The following ZBTB14 variants were observed in gnomAD, a reference collection of about 807,000 sequenced individuals.
ZBTB14 encodes the protein zinc finger and BTB domain containing 14, also known as zinc finger and BTB domain-containing protein 14.
ZBTB14 carries 8 observed loss-of-function variants against 29.5 expected under a neutral mutation model. The observed-to-expected ratio is 0.27, with a 90% CI of 0.16 to 0.49. ZBTB14 has a LOEUF of 0.49. ZBTB14 is among the 20% of genes least tolerant of loss of function. The pLI, the probability that ZBTB14 is intolerant of heterozygous loss-of-function variation, is 0.99. For synonymous variants in ZBTB14, 226 were observed against 207.2 expected, an observed-to-expected ratio of 1.09 and a Z score of -0.78; for missense variants, 333 against 563.8, an observed-to-expected ratio of 0.59 and a Z score of 4.15.
At position 5,291,750 on chromosome 18, in the gene ZBTB14, C is replaced by G. The variant is rs764915518; in HGVS notation, c.458G>C (p.Gly153Ala). 2.6e-5 allele frequency: 42 copies of G among 1,614,094 alleles called. No individual in the cohort carries two copies. In the South Asian group the frequency reaches 4.6e-4, roughly 18 times the overall value. ...ATCATCCTGGGTGTCAGCAGCATCT[C>G]CAATGGGGCGATTTATTTTAAGGCA... ...KYCLKINRPIGDAADTQDDDV... is the reference protein window; with the variant it reads ...KYCLKINRPIADAADTQDDDV... The change falls in exon 4 of 4, where the codon GGA becomes GCA. Residue 153 changes from glycine (G) to alanine (A), a missense_variant. By Grantham distance (60) the Gly-to-Ala change is moderately conservative. Coordinates refer to ENST00000651870, the MANE Select transcript of ZBTB14 (RefSeq NM_001243702.2). This position sits in a 1 kb window ranked among gnomAD's most constrained non-coding sequence, Gnocchi z 5.8.
chr18:5,293,323 C>T lies in ZBTB14; in HGVS notation c.-77G>A. The T allele has an allele frequency of 6.9e-7, 1 of 1,455,710 alleles. No homozygotes were observed. Among genetic ancestry groups the T allele is most frequent in the East Asian group, 2.3e-5 (1 of 43,714 alleles). 90.2% of individuals were successfully genotyped at this position (1,455,710 alleles called of 1,614,324 possible). On this transcript the variant is annotated 5_prime_UTR_variant, in exon 3 of 4. An upstream open reading frame in the 5' UTR gains an earlier in-frame stop. Transcript: ENST00000651870. ...AGAGTAACTCTGATCAGGAGCACGCCAGACCTACAGAGGAAAGGATAAACA... is the reference window on the plus strand; with the variant it reads ...AGAGTAACTCTGATCAGGAGCACGCTAGACCTACAGAGGAAAGGATAAACA...
intron 1 of ZBTB14, 105 bp from the exon 2 acceptor site, chr18:5,294,106 T>C (rs961676430): frequency 6.6e-6 from 1 of 152,218 alleles, no homozygotes; most frequent in African/African-American, 2.4e-5. Context: ...ACAAAAACCA[T>C]GGAACAAGAC....
At position 5,289,917 on chromosome 18, in the gene ZBTB14, A is replaced by T. The variant is rs2071773724; in HGVS notation, c.*941T>A. 1 of 152,340 alleles carries T rather than the reference A, an allele frequency of 6.6e-6. No homozygotes were observed. The highest frequency in any genetic ancestry group is 1.5e-5 in the Non-Finnish European group (1 of 68,040). The allele number at this position is 152,340 out of a possible 1,614,324, so 9.4% of individuals were successfully genotyped here. ...GCCCCAAAGCTTGATGACATTCTGT[A>T]AAGTTACACAAATGTATCTGAAGAA... On this transcript the variant is annotated 3_prime_UTR_variant, in exon 4 of 4. Transcript: ENST00000651870.
At position 5,291,270 on chromosome 18, in the gene ZBTB14, C is replaced by G; in HGVS notation, c.938G>C (p.Gly313Ala). Residue 313 changes from glycine (G) to alanine (A), a missense_variant, in exon 4 of 4, where the codon GGT becomes GCT. Physicochemically the swap from Gly to Ala is moderately conservative, Grantham distance 60 (BLOSUM62 0). This residue lies in a region of ZBTB14 where 140 missense variants were observed against 274.6 expected (regional missense o/e 0.51). Transcript: ENST00000651870. The surrounding 1 kb of genome is among the most constrained non-coding windows in gnomAD (Gnocchi z 5.8). ...TTTCAGGTGGGCCTGTGTGGTGAAA[C>G]CTTTTGTGCACATTTCACAAACAAA... ...RPFVCEMCTK[G>A]FTTQAHLKEH... The G allele has an allele frequency of 6.2e-7, 1 of 1,614,236 alleles. No homozygotes were observed. Among genetic ancestry groups the G allele is most frequent in the Non-Finnish European group, 8.5e-7 (1 of 1,180,044 alleles).
chr18:5,295,277 T>A (rs1051190162), intron 1 of ZBTB14, among the ~76,000 whole-genome samples: 1 of 143,456 alleles, frequency 7.0e-6, no homozygotes, highest in Non-Finnish European at 1.5e-5. Context: ...TCCCCCGCCC[T>A]CCCGCGGCCG....
At position 5,292,082 on chromosome 18, in the gene ZBTB14, A is replaced by C. The variant is rs1215531188; in HGVS notation, c.126T>G (p.Val42=). 2 of 1,610,126 alleles carry C rather than the reference A, an allele frequency of 1.2e-6. No individual in the cohort carries two copies. The highest frequency in any genetic ancestry group is 1.7e-6 in the Non-Finnish European group (2 of 1,179,998). Residue 42 remains valine (V), a synonymous_variant, in exon 4 of 4, where the codon GTT becomes GTG. Coordinates refer to ENST00000651870, the MANE Select transcript of ZBTB14 (RefSeq NM_001243702.2). ...TGTGTGCTCTGAATTTCACATCCTC[A>C]ACCACAATAGCAATATCACAAAATT... ...EGEFCDIAIV[V]EDVKFRAHRC...
intron 1 of ZBTB14, among the ~76,000 whole-genome samples, chr18:5,294,544 A>T (rs1023076892): frequency 6.6e-6 from 1 of 152,126 alleles, no homozygotes; most frequent in African/African-American, 2.4e-5. Flanking sequence ...CCTGGAAGAG[A>T]GACCATGTGT....
rs2143269090 is a variant in ZBTB14, at chr18:5,295,163, G to T, written c.-112+489C>A. On this transcript the variant is annotated intron_variant, in intron 1 of 3. Transcript: ENST00000651870. ...CCCGGCGGCGCGACGAGCGGGAGCG[G>T]GCGTGCGGCCGGCTCCGCAGCCCCG... 1.4e-5 allele frequency among the ~76,000 whole-genome samples: 2 copies of T among 144,802 alleles called. 1 individual carries two copies. The highest frequency in any genetic ancestry group is 4.2e-4 in the South Asian group (2 of 4,760). The allele number at this position is 144,802 out of a possible 152,430, so 95.0% of individuals were successfully genotyped here. A position where few individuals can be genotyped will look rare whatever the true frequency, so the allele number is the denominator to read the frequency against.
chr18:5,293,196 A>G, intron 3 of ZBTB14, 48 bp downstream of exon 3: 1 of 1,605,600 alleles, frequency 6.2e-7, no homozygotes. Context: ...TTTTAAAGCA[A>G]ATGCCAAGTC....
chr18:5,295,098 G>C (rs1459662204), intron 1 of ZBTB14, among the ~76,000 whole-genome samples: 1 of 150,658 alleles, frequency 6.6e-6, no homozygotes, highest in Non-Finnish European at 1.5e-5. Context: ...TTGGGACCGC[G>C]GCTCGGAGCG....
Position 5,289,906 on chromosome 18 carries a change from T to C in ZBTB14, c.*952A>G, listed in dbSNP as rs1488348262. On this transcript the variant is annotated 3_prime_UTR_variant, in exon 4 of 4. Transcript: ENST00000651870. ...TGCCCCACAGAGCCCCAAAGCTTGA[T>C]GACATTCTGTAAAGTTACACAAATG... 2 of 152,376 alleles carry C rather than the reference T, an allele frequency of 1.3e-5. No individual in the cohort carries two copies. The highest frequency in any genetic ancestry group is 2.4e-5 in the African/African-American group (1 of 41,470). 9.4% of individuals were successfully genotyped at this position (152,376 alleles called of 1,614,324 possible).
At chr18:5,293,076 A>C (rs1476489782) in intron 3 of ZBTB14, among the ~76,000 whole-genome samples, 168 bp downstream of exon 3, 2 of 152,228 alleles carry the variant, frequency 1.3e-5, no homozygotes, top group Non-Finnish European at 2.9e-5. Context: ...TGGTCATCTT[A>C]AAGCATTCTC....
At chr18:5,296,339 C>G (rs927837346), upstream of ZBTB14, 1 of 150,072 alleles carries the variant, frequency 6.7e-6, no homozygotes, top group Non-Finnish European at 1.5e-5. Context: ...GAGCGCTGCT[C>G]GCGGACACCC....
intron 1 of ZBTB14, among the ~76,000 whole-genome samples, chr18:5,295,435 C>T (rs1407481897): frequency 6.2e-5 from 9 of 145,336 alleles, no homozygotes; most frequent in African/African-American, 1.2e-4. Flanking sequence ...CGGCGGGCCG[C>T]GCTCCGCGCT....
upstream of ZBTB14, chr18:5,296,222 T>C (rs1280255969): frequency 6.6e-6 from 1 of 150,686 alleles, no homozygotes; most frequent in Non-Finnish European, 1.5e-5. Context: ...GGCCCTGGCC[T>C]GCGCACGCGC....
chr18:5,291,365 C>A lies in ZBTB14; in HGVS notation c.843G>T (p.Ala281=), dbSNP rs779444390. ...GHHREQIACQ[A]CGKTFSDEGR... Reference sequence around the variant, plus strand: ...CTTCATCAGAAAACGTCTTCCCACACGCCTGGCAGGCAATCTGCTCCCGAT... The same window carrying A: ...CTTCATCAGAAAACGTCTTCCCACAAGCCTGGCAGGCAATCTGCTCCCGAT... Residue 281 remains alanine, a synonymous_variant, in exon 4 of 4, where the codon GCG becomes GCT. Coordinates refer to ENST00000651870, the MANE Select transcript of ZBTB14 (RefSeq NM_001243702.2). The surrounding 1 kb of genome is among the most constrained non-coding windows in gnomAD (Gnocchi z 5.8). 9.9e-6 allele frequency: 16 copies of A among 1,614,106 alleles called. No individual in the cohort carries two copies. In the African/African-American group the frequency reaches 2.1e-4, roughly 22 times the overall value.
Position 5,290,787 on chromosome 18 carries a change from G to T in ZBTB14, c.*71C>A, listed in dbSNP as rs1232802001. ...CGTTTCCACAAAAATATTGTAACTG[G>T]CATTCACTCATTATGATCCACGTCA... is the stretch of plus-strand genomic sequence containing the variant. On this transcript the variant is annotated 3_prime_UTR_variant, in exon 4 of 4. Transcript: ENST00000651870. 6 of 1,546,118 alleles carry T rather than the reference G, an allele frequency of 3.9e-6. No individual in the cohort carries two copies. Among genetic ancestry groups the T allele is most frequent in the Non-Finnish European group, 5.2e-6 (6 of 1,146,948 alleles).
At chr18:5,295,262 G>GGCCCTCCCCC (rs1390795302) in intron 1 of ZBTB14, among the ~76,000 whole-genome samples, 3 of 144,614 alleles carry the variant, frequency 2.1e-5, no homozygotes, top group Non-Finnish European at 4.6e-5. Context: ...GCTCGCGCCG[G>GGCCCTCCCCC]GCCCTCCCCC....
Position 5,290,906 on chromosome 18 carries a change from C to T in ZBTB14, c.1302G>A (p.Ala434=), listed in dbSNP as rs776442999. Residue 434 remains alanine, a synonymous_variant, in exon 4 of 4, where the codon GCG becomes GCA. Coordinates refer to ENST00000651870, the MANE Select transcript of ZBTB14 (RefSeq NM_001243702.2). ...QSETEQLQAA[A]MAAEAEQQLE... ...GCTGCTGTTCTGCTTCCGCAGCCAT[C>T]GCTGCCGCCTGCAACTGTTCTGTCT... 4.3e-5 allele frequency: 69 copies of T among 1,614,158 alleles called. No homozygotes were observed. Among genetic ancestry groups the T allele is most frequent in the Non-Finnish European group, 5.6e-5 (66 of 1,180,054 alleles).
Sources: allele counts gnomAD v4.1 joint callset (sites outside exome capture counted in the v4.1 genomes callset), GRCh38; gene constraint gnomAD v4.1.1; regional missense constraint gnomAD v4.1.1; non-coding constraint Gnocchi (gnomAD v3.1); transcripts MANE v1.5; gene names NCBI Gene and HGNC (gene_info 2026-07-23, HGNC 2026-07-21).